Variants in LEMD1 observed in about 807,000 individuals in gnomAD.
LEMD1 encodes the protein LEM domain-containing protein 1.
Under a neutral mutation model 17.4 loss-of-function variants are expected in LEMD1, and 18 were observed. The observed-to-expected ratio is 1.04, with a 90% CI of 0.72 to 1.54. LEMD1 has a LOEUF of 1.54. Among genes scored for constraint, LEMD1 ranks in the 40% most tolerant of loss-of-function variants. The pLI, the probability that LEMD1 is intolerant of heterozygous loss-of-function variation, is 0.00. For missense variants in LEMD1, 195 were observed against 210.4 expected, an observed-to-expected ratio of 0.93 and a Z score of 0.45; for synonymous variants, 88 against 77.8, an observed-to-expected ratio of 1.13 and a Z score of -0.69.
At chr1:205,386,309 CT>C (rs10645710) in intron 4 of LEMD1, 16 of 144,530 alleles carry the variant, frequency 1.1e-4, no homozygotes, top group East Asian at 2.1e-4. Context: ...GTGCCCCCTT[CT>C]TTTTTTTTTT....
intron 1 of LEMD1, among the ~76,000 whole-genome samples, chr1:205,429,146 G>T (rs1666094422): frequency 1.3e-5 from 2 of 152,216 alleles, no homozygotes; most frequent in African/African-American, 4.8e-5. Context: ...CTCCACAGGT[G>T]GCCCCAACCC....
At chr1:205,428,450 T>C (rs557677405) in intron 1 of LEMD1, among the ~76,000 whole-genome samples, 1 of 152,300 alleles carries the variant, frequency 6.6e-6, no homozygotes, top group African/African-American at 2.4e-5. Context: ...TGCTTTGCAC[T>C]AATTTTGGTG....
intron 1 of LEMD1, among the ~76,000 whole-genome samples, chr1:205,430,512 A>G (rs1399299852): frequency 8.5e-5 from 13 of 152,224 alleles, no homozygotes; most frequent in Admixed American, 8.5e-4. Context: ...GGTAAGAACA[A>G]GACAGATCTT....
rs1198055567 is a variant in LEMD1 at position 205,419,333 on chromosome 1, A to G, written c.102T>C (p.Tyr34=). 3 of 1,614,098 alleles carry G rather than the reference A, an allele frequency of 1.9e-6. No homozygotes were observed. In the African/African-American group the frequency reaches 4.0e-5, roughly 22 times the overall value. Residue 34 remains tyrosine (Y), a synonymous_variant, in exon 3 of 6, where the codon TAT becomes TAC. Transcript: ENST00000367153. ...CCAACAACTGTACTAACTTTTTTTC[A>G]TACAACTTTCTGGTGGAAGCTGAGG... ...GPILPSTRKL[Y]EKKLVQLLVS...
upstream of LEMD1, among the ~76,000 whole-genome samples, chr1:205,425,571 G>A (rs1666043590): frequency 6.6e-6 from 1 of 152,148 alleles, no homozygotes; most frequent in African/African-American, 2.4e-5. Context: ...CTACGTACCA[G>A]GCACCCTGCT....
chr1:205,389,354 T>A (rs954148468), intron 4 of LEMD1, among the ~76,000 whole-genome samples: 19 of 152,012 alleles, frequency 1.2e-4, no homozygotes, highest in African/African-American at 3.6e-4. Context: ...CAGCCTACAT[T>A]TGGTTTTTTA....
upstream of LEMD1, among the ~76,000 whole-genome samples, chr1:205,426,772 G>A (rs1033377764): frequency 2.0e-5 from 3 of 152,140 alleles, no homozygotes; most frequent in African/African-American, 7.2e-5. Context: ...GGATCCTTCC[G>A]GTCTGGGGCC....
upstream of LEMD1, among the ~76,000 whole-genome samples, chr1:205,426,283 C>T (rs191648372): frequency 1.2e-3 from 183 of 152,210 alleles, no homozygotes; most frequent in African/African-American, 4.3e-3. Context: ...ATACAAAAAC[C>T]GCATGCAATA....
At chr1:205,400,092 G>A (rs995255298) in intron 4 of LEMD1, among the ~76,000 whole-genome samples, 1 of 152,164 alleles carries the variant, frequency 6.6e-6, no homozygotes, top group Non-Finnish European at 1.5e-5. Context: ...TTTTGACACA[G>A]GGTCGCTTTG....
intron 2 of LEMD1, 137 bp from the exon 3 acceptor site, chr1:205,419,489 A>C: frequency 6.1e-6 from 6 of 979,620 alleles, no homozygotes; most frequent in Non-Finnish European, 9.1e-6. Flanking sequence ...TATTTGAGAC[A>C]GGGTCTCACT....
rs1379406874 is a variant in LEMD1 at position 205,441,704 on chromosome 1, CAA to C, written c.-39+8162_-39+8163del. On this transcript the variant is annotated intron_variant, in intron 1 of 3. Transcript: ENST00000367154. The surrounding 1 kb of genome is among the most constrained non-coding windows in gnomAD (Gnocchi z 4.3). The stretch of plus-strand genomic sequence containing the variant: ...TCCTCACCATGCAGAGAAGAGACAG[CAA>C]AGAGGGTTCTTTTAGCCAACAGGCT... Among the ~76,000 whole-genome samples the C allele has an allele frequency of 2.0e-5, 3 of 152,226 alleles. No individual in the cohort carries two copies. The highest frequency in any genetic ancestry group is 6.5e-5 in the Admixed American group (1 of 15,290).
At chr1:205,439,578 C>T (rs1279757799) in intron 1 of LEMD1, among the ~76,000 whole-genome samples, 1 of 152,212 alleles carries the variant, frequency 6.6e-6, no homozygotes, top group Non-Finnish European at 1.5e-5. Flanking sequence ...GCCCACATTC[C>T]AAGGAAAGGG....
In LEMD1 at chr1:205,441,882, C is replaced by T. The variant is rs1012204289; in HGVS notation, c.-39+7986G>A. ...CGCTGTCCCCCACCTCTGGCTGACC[C>T]GGCCCTCAGCAGGAGCCAGGGGCCG... On this transcript the variant is annotated intron_variant, in intron 1 of 3. Transcript: ENST00000367154. The surrounding 1 kb of genome is among the most constrained non-coding windows in gnomAD (Gnocchi z 4.3). Among the ~76,000 whole-genome samples the T allele has an allele frequency of 2.0e-5, 3 of 152,334 alleles. No homozygotes were observed. Among genetic ancestry groups the T allele is most frequent in the African/African-American group, 4.8e-5 (2 of 41,588 alleles).
chr1:205,383,852 T>G (rs2102331451), intron 5 of LEMD1, among the ~76,000 whole-genome samples: 1 of 151,818 alleles, frequency 6.6e-6, no homozygotes, highest in East Asian at 1.9e-4. Context: ...GCCAGACTGG[T>G]CTCGAACTCC....
chr1:205,401,519 C>A (rs1269048415), intron 4 of LEMD1, among the ~76,000 whole-genome samples: 11 of 151,912 alleles, frequency 7.2e-5, no homozygotes, highest in African/African-American at 2.4e-4. Context: ...CTGTTCATAT[C>A]CTTTGCCCAC....
chr1:205,440,241 A>G (rs1015209913), intron 1 of LEMD1, among the ~76,000 whole-genome samples: 5 of 152,180 alleles, frequency 3.3e-5, no homozygotes, highest in African/African-American at 9.7e-5. Flanking sequence ...CACAGGCATC[A>G]TGAACACGGG....
chr1:205,414,068 A>G (rs1665581371), intron 4 of LEMD1, among the ~76,000 whole-genome samples: 1 of 152,142 alleles, frequency 6.6e-6, no homozygotes, highest in Admixed American at 6.6e-5. Context: ...ACAGTGTGAG[A>G]GGTGCAGAAA....
At chr1:205,446,043 A>C (rs1666382992) in intron 1 of LEMD1, among the ~76,000 whole-genome samples, 1 of 152,252 alleles carries the variant, frequency 6.6e-6, no homozygotes, top group African/African-American at 2.4e-5. Context: ...ACTGTAAAAA[A>C]GACTTAGATT....
At chr1:205,413,947 A>G (rs1413364222) in intron 4 of LEMD1, among the ~76,000 whole-genome samples, 1 of 152,158 alleles carries the variant, frequency 6.6e-6, no homozygotes, top group Non-Finnish European at 1.5e-5. Flanking sequence ...CCATTGAGAT[A>G]TTCCTTAAAA....
Sources: gnomAD v4.1 joint callset for allele counts (sites outside exome capture counted in the v4.1 genomes callset) on GRCh38, gnomAD v4.1.1 for gene constraint, Gnocchi (gnomAD v3.1) non-coding constraint, MANE v1.5 for transcripts, NCBI Gene and HGNC (gene_info 2026-07-23, HGNC 2026-07-21) for gene names.